The following GRM8 variants were observed in gnomAD, a reference collection of about 807,000 sequenced individuals.
GRM8 encodes the protein metabotropic glutamate receptor 8.
In GRM8, 47 loss-of-function variants were observed where a neutral mutation model predicts 87.2. The ratio of observed to expected loss-of-function variants is 0.54; its 90% CI spans 0.43 to 0.69. The LOEUF (loss-of-function observed/expected upper bound fraction) is 0.69. Ranked by LOEUF, GRM8 falls within the 30% of genes least tolerant of loss-of-function variation. The pLI is 0.00. For synonymous variants in GRM8, 396 were observed against 404.5 expected (o/e 0.98, Z 0.25); for missense variants, 1,019 against 1,139.2 (o/e 0.89, Z 1.52).
intron 1 of GRM8, among the ~76,000 whole-genome samples, chr7:127,244,057 T>A (rs1171997122): frequency 6.6e-6 from 1 of 152,180 alleles, no homozygotes; most frequent in African/African-American, 2.4e-5. Context: ...AAAAAATGTG[T>A]AAGTTTTGTA....
At chr7:126,887,674 G>C (rs1800628651) in intron 6 of GRM8, among the ~76,000 whole-genome samples, 1 of 152,012 alleles carries the variant, frequency 6.6e-6, no homozygotes, top group African/African-American at 2.4e-5. Context: ...AGAATTGAAA[G>C]AACAAATTGT....
In GRM8 at chr7:126,725,049, C is replaced by T. The variant is rs17150142; in HGVS notation, c.1357+44816G>A. 3.7e-3 allele frequency among the ~76,000 whole-genome samples: 567 copies of T among 152,200 alleles called. 3 individuals carry two copies. Among genetic ancestry groups the T allele is most frequent in the Non-Finnish European group, 5.8e-3 (397 of 68,010 alleles). On this transcript the variant is annotated intron_variant, in intron 7 of 10. Coordinates refer to ENST00000339582, the MANE Select transcript of GRM8 (RefSeq NM_000845.3). ...GAGATGACAAGAACAGATGTTTGCT[C>T]AAGATGACTGAAGATGTTTCTGAAA... is the stretch of plus-strand genomic sequence containing the variant.
chr7:127,076,958 A>G (rs1483923223), intron 3 of GRM8, among the ~76,000 whole-genome samples: 1 of 152,192 alleles, frequency 6.6e-6, no homozygotes, highest in African/African-American at 2.4e-5. Context: ...GAGAGATGGA[A>G]TGACTTCCAG....
intron 2 of GRM8, among the ~76,000 whole-genome samples, chr7:127,150,907 C>A (rs1828823556): frequency 6.6e-6 from 1 of 152,100 alleles, no homozygotes; most frequent in African/African-American, 2.4e-5. Context: ...GCCTCAAAAA[C>A]AAGATTGCTA....
intron 3 of GRM8, among the ~76,000 whole-genome samples, chr7:127,075,140 T>C (rs984531377): frequency 3.3e-5 from 5 of 152,208 alleles, no homozygotes; most frequent in Admixed American, 3.3e-4. Context: ...ATGCTGTCCA[T>C]AGTTAAGTTC....
At chr7:127,145,155 C>A (rs934637087) in intron 2 of GRM8, among the ~76,000 whole-genome samples, 6 of 152,054 alleles carry the variant, frequency 3.9e-5, no homozygotes, top group African/African-American at 1.4e-4. Flanking sequence ...TAATTAATTT[C>A]TCAACTGTAA....
intron 9 of GRM8, among the ~76,000 whole-genome samples, chr7:126,463,450 CAGAT>C (rs1228160932): frequency 2.0e-5 from 3 of 151,540 alleles, no homozygotes; most frequent in Non-Finnish European, 4.4e-5. Context: ...ACAGTATCCT[CAGAT>C]GGATTGTAAC....
intron 9 of GRM8, among the ~76,000 whole-genome samples, chr7:126,519,284 A>G (rs182326415): frequency 2.6e-5 from 4 of 152,190 alleles, no homozygotes; most frequent in African/African-American, 9.6e-5. Context: ...TAGAGCACAT[A>G]TGTGTTTAGA....
intron 3 of GRM8, among the ~76,000 whole-genome samples, chr7:126,990,945 T>A (rs1397749242): frequency 6.6e-6 from 1 of 152,206 alleles, no homozygotes; most frequent in Non-Finnish European, 1.5e-5. Context: ...ATTCTTTATT[T>A]TTAAAATCAT....
chr7:126,705,506 A>C (rs546484197), intron 7 of GRM8, among the ~76,000 whole-genome samples: 40 of 152,198 alleles, frequency 2.6e-4, no homozygotes, highest in Non-Finnish European at 5.3e-4. Context: ...GAATATACAT[A>C]GATCTATGTG....
chr7:126,680,212 A>C (rs116105220), intron 7 of GRM8, among the ~76,000 whole-genome samples: 1 of 152,130 alleles, frequency 6.6e-6, no homozygotes, highest in African/African-American at 2.4e-5. Flanking sequence ...GAACTATGAG[A>C]TTATGAATAG....
At chr7:126,572,225 G>A (rs1794744695) in intron 8 of GRM8, among the ~76,000 whole-genome samples, 1 of 152,142 alleles carries the variant, frequency 6.6e-6, no homozygotes, top group Non-Finnish European at 1.5e-5. Flanking sequence ...GGATAAAATT[G>A]AGAACATGTA....
At chr7:126,736,162 G>T in intron 7 of GRM8, among the ~76,000 whole-genome samples, 1 of 151,878 alleles carries the variant, frequency 6.6e-6, no homozygotes, top group South Asian at 2.1e-4. Context: ...CCAGAACCAG[G>T]GGCCAGGAAA....
intron 7 of GRM8, among the ~76,000 whole-genome samples, chr7:126,620,193 T>C (rs1216384015): frequency 6.6e-6 from 1 of 152,110 alleles, no homozygotes; most frequent in Non-Finnish European, 1.5e-5. Context: ...GAGGCTGGGG[T>C]AGAAACATCG....
intron 8 of GRM8, among the ~76,000 whole-genome samples, chr7:126,560,323 T>C (rs1381781316): frequency 6.6e-6 from 1 of 152,204 alleles, no homozygotes; most frequent in Non-Finnish European, 1.5e-5. Flanking sequence ...CATTGATTTA[T>C]GTAATGGAAA....
chr7:126,648,417 G>C (rs1191856639), intron 7 of GRM8, among the ~76,000 whole-genome samples: 4 of 152,118 alleles, frequency 2.6e-5, no homozygotes, highest in Non-Finnish European at 4.4e-5. Flanking sequence ...CTAATGTAGT[G>C]CCAGGTACAC....
At chr7:126,967,679 T>C (rs1810015491) in intron 3 of GRM8, among the ~76,000 whole-genome samples, 1 of 152,172 alleles carries the variant, frequency 6.6e-6, no homozygotes, top group South Asian at 2.1e-4. Flanking sequence ...CATTTTAAAA[T>C]GTTCAATCAC....
At chr7:126,891,966 T>G (rs931601075) in intron 6 of GRM8, among the ~76,000 whole-genome samples, 1 of 141,976 alleles carries the variant, frequency 7.0e-6, no homozygotes, top group Non-Finnish European at 1.5e-5. Context: ...GCACTGAGAT[T>G]CAGCTGTGAA....
intron 8 of GRM8, among the ~76,000 whole-genome samples, chr7:126,566,425 C>T (rs999973672): frequency 3.9e-5 from 6 of 152,124 alleles, no homozygotes; most frequent in African/African-American, 7.2e-5. Context: ...AGAACAAATG[C>T]TCAACATTAT....
Sources: allele counts gnomAD v4.1 joint callset (sites outside exome capture counted in the v4.1 genomes callset), GRCh38; gene constraint gnomAD v4.1.1; transcripts MANE v1.5; gene names NCBI Gene and HGNC (gene_info 2026-07-23, HGNC 2026-07-21).